Variants in IRF2 observed in about 807,000 individuals in gnomAD.
IRF2 encodes the protein interferon regulatory factor 2.
Under a neutral mutation model 40.6 loss-of-function variants are expected in IRF2, and 15 were observed. The observed-to-expected ratio is 0.37, with a 90% CI of 0.25 to 0.57. The LOEUF (loss-of-function observed/expected upper bound fraction) is 0.57. Ranked by LOEUF, IRF2 falls within the 20% of genes least tolerant of loss-of-function variation. The pLI, the probability that IRF2 is intolerant of heterozygous loss-of-function variation, is 0.77. For synonymous variants in IRF2, 151 were observed against 165.5 expected, an observed-to-expected ratio of 0.91 and a Z score of 0.67; for missense variants, 317 against 455.7, an observed-to-expected ratio of 0.70 and a Z score of 2.77.
intron 7 of IRF2, among the ~76,000 whole-genome samples, chr4:184,396,686 TCA>T (rs1244829366): frequency 1.3e-5 from 2 of 152,182 alleles, no homozygotes; most frequent in Admixed American, 1.3e-4. Flanking sequence ...TCCTCCCACT[TCA>T]GCCTTCCAGT....
intron 1 of IRF2, 23 bp from the exon 2 acceptor site, chr4:184,429,093 T>C: frequency 6.3e-7 from 1 of 1,596,690 alleles, no homozygotes; most frequent in South Asian, 1.1e-5. Context: ...AAACACAGCG[T>C]CAGGCGTTGG....
intron 1 of IRF2, among the ~76,000 whole-genome samples, chr4:184,460,540 C>T (rs1739096375): frequency 6.6e-6 from 1 of 152,118 alleles, no homozygotes. Context: ...TCCCTACTTG[C>T]TGCCACTGTT....
Position 184,424,595 on chromosome 4 carries a change from G to GC in IRF2, c.87+4382dup, listed in dbSNP as rs149333294. 3.3e-3 allele frequency among the ~76,000 whole-genome samples: 504 copies of GC among 152,324 alleles called. 3 individuals carry two copies. Among genetic ancestry groups the GC allele is most frequent in the African/African-American group, 0.012 (490 of 41,576 alleles). The stretch of plus-strand genomic sequence containing the variant: ...CCCGCACCGGGTGATATCCTGCACT[G>GC]CCTCAGGACTTTGCAGAGGGTCCCC... On this transcript the variant is annotated intron_variant, in intron 2 of 8. Coordinates refer to ENST00000393593, the MANE Select transcript of IRF2 (RefSeq NM_002199.4).
intron 2 of IRF2, among the ~76,000 whole-genome samples, chr4:184,423,227 G>A (rs988450016): frequency 2.0e-5 from 3 of 152,178 alleles, no homozygotes. Context: ...GACCAGTCCT[G>A]CACACGTGGT....
chr4:184,389,341 G>A (rs566395494), intron 8 of IRF2, among the ~76,000 whole-genome samples: 9 of 152,222 alleles, frequency 5.9e-5, no homozygotes, highest in Non-Finnish European at 8.8e-5. Flanking sequence ...TCACTGGAGC[G>A]CAGTAAGTCA....
intron 1 of IRF2, among the ~76,000 whole-genome samples, chr4:184,442,966 C>G (rs1056705453): frequency 6.6e-6 from 1 of 152,132 alleles, no homozygotes; most frequent in African/African-American, 2.4e-5. Context: ...ACTCTTGTCA[C>G]CCAGGCTGGA....
At position 184,408,898 on chromosome 4, in the gene IRF2, G is replaced by A. The variant is rs1736968681; in HGVS notation, c.412-623C>T. Among the ~76,000 whole-genome samples, 1 of 152,192 alleles carries A rather than the reference G, an allele frequency of 6.6e-6. No homozygotes were observed. The highest frequency in any genetic ancestry group is 2.4e-5 in the African/African-American group (1 of 41,440). ...GGCTTTACATAAATGCCCTTCAGGT[G>A]GCTGAATATCTCATCCAGCCCAAGA... On this transcript the variant is annotated intron_variant, in intron 5 of 8. Coordinates refer to ENST00000393593, the MANE Select transcript of IRF2 (RefSeq NM_002199.4). This position sits in a 1 kb window ranked among gnomAD's most constrained non-coding sequence, Gnocchi z 4.9.
At chr4:184,412,480 C>G (rs967611906) in intron 5 of IRF2, among the ~76,000 whole-genome samples, 3 of 152,198 alleles carry the variant, frequency 2.0e-5, no homozygotes, top group African/African-American at 7.2e-5. Context: ...AATGCTCTAA[C>G]TCATCTGTGC....
intron 1 of IRF2, among the ~76,000 whole-genome samples, chr4:184,447,059 C>G (rs1044157902): frequency 2.6e-5 from 4 of 152,204 alleles, no homozygotes; most frequent in Middle Eastern, 3.2e-3. Context: ...AAGACCCCAA[C>G]AGCAATGAGC....
Position 184,413,274 on chromosome 4 carries a change from C to T in IRF2, c.411+4893G>A, listed in dbSNP as rs1023702308. Among the ~76,000 whole-genome samples, 6 of 152,214 alleles carry T rather than the reference C, an allele frequency of 3.9e-5. No individual in the cohort carries two copies. The highest frequency in any genetic ancestry group is 1.4e-4 in the African/African-American group (6 of 41,458). The stretch of plus-strand genomic sequence containing the variant: ...TCTAAGTGTGCTACAAGGAGTTCAA[C>T]TGTGTCTCATTCCGTAAAACTGTCC... On this transcript the variant is annotated intron_variant, in intron 5 of 8. Coordinates refer to ENST00000393593, the MANE Select transcript of IRF2 (RefSeq NM_002199.4). This position sits in a 1 kb window ranked among gnomAD's most constrained non-coding sequence, Gnocchi z 4.2.
intron 1 of IRF2, among the ~76,000 whole-genome samples, chr4:184,460,891 A>G (rs1739121060): frequency 6.6e-6 from 1 of 152,200 alleles, no homozygotes; most frequent in South Asian, 2.1e-4. Flanking sequence ...GAAGCAAACA[A>G]AGGAACTTAC....
At chr4:184,447,071 C>A (rs1738538663) in intron 1 of IRF2, among the ~76,000 whole-genome samples, 1 of 152,204 alleles carries the variant, frequency 6.6e-6, no homozygotes, top group African/African-American at 2.4e-5. Context: ...GCAATGAGCA[C>A]AGGCAGTGCA....
intron 1 of IRF2, among the ~76,000 whole-genome samples, chr4:184,467,945 T>G (rs1381418716): frequency 6.6e-6 from 1 of 152,200 alleles, no homozygotes; most frequent in East Asian, 1.9e-4. Flanking sequence ...TGAACTAAAT[T>G]AGTCTTGCCT....
chr4:184,457,790 A>G (rs1738997391), intron 1 of IRF2, among the ~76,000 whole-genome samples: 1 of 152,064 alleles, frequency 6.6e-6, no homozygotes, highest in South Asian at 2.1e-4. Context: ...GCTAACAGTC[A>G]TTAGCTATCA....
chr4:184,452,194 G>A (rs1315883149), intron 1 of IRF2, among the ~76,000 whole-genome samples: 1 of 152,210 alleles, frequency 6.6e-6, no homozygotes, highest in African/African-American at 2.4e-5. Flanking sequence ...AGAGGTGACA[G>A]GGGCAACGAC....
chr4:184,388,772 C>T lies in IRF2; in HGVS notation c.1036G>A (p.Val346Ile), dbSNP rs770262998. ...KKTSDITQAR[V>I]KSC Reference sequence around the variant, plus strand: ...GAGTCAGAGGCTTAACAGCTCTTGACGCGGGCCTGGGTGATATCCGATGTT... The same window carrying T: ...GAGTCAGAGGCTTAACAGCTCTTGATGCGGGCCTGGGTGATATCCGATGTT... The change falls in exon 9 of 9, where the codon GTC becomes ATC. Residue 346 changes from valine to isoleucine, a missense_variant. Coordinates refer to ENST00000393593, the MANE Select transcript of IRF2 (RefSeq NM_002199.4). The surrounding 1 kb of genome is among the most constrained non-coding windows in gnomAD (Gnocchi z 4.6). 9 of 1,611,096 alleles carry T rather than the reference C, an allele frequency of 5.6e-6. No homozygotes were observed. Among genetic ancestry groups the T allele is most frequent in the Admixed American group, 5.0e-5 (3 of 59,430 alleles).
intron 5 of IRF2, among the ~76,000 whole-genome samples, chr4:184,414,844 C>T (rs1257810816): frequency 6.6e-6 from 1 of 152,206 alleles, no homozygotes; most frequent in Non-Finnish European, 1.5e-5. Context: ...ATATTCATAC[C>T]TAGTTACCAT....
At chr4:184,433,728 A>G (rs1393823500) in intron 1 of IRF2, among the ~76,000 whole-genome samples, 1 of 152,218 alleles carries the variant, frequency 6.6e-6, no homozygotes, top group Non-Finnish European at 1.5e-5. Context: ...TAACCCAGTC[A>G]CATGAAGGCC....
intron 8 of IRF2, among the ~76,000 whole-genome samples, chr4:184,389,923 C>A (rs1462326359): frequency 6.6e-6 from 1 of 152,202 alleles, no homozygotes; most frequent in Non-Finnish European, 1.5e-5. Context: ...AAGCAGCGGC[C>A]TCAGGGCTGG....
Sources: allele counts gnomAD v4.1 joint callset (sites outside exome capture counted in the v4.1 genomes callset), GRCh38; gene constraint gnomAD v4.1.1; non-coding constraint Gnocchi (gnomAD v3.1); transcripts MANE v1.5; gene names NCBI Gene and HGNC (gene_info 2026-07-23, HGNC 2026-07-21).